The following SCML4 variants were observed in gnomAD, a reference collection of about 807,000 sequenced individuals.
The protein encoded by SCML4 is Scm polycomb group protein like 4, also known as sex comb on midleg-like protein 4.
A neutral mutation model predicts 41.1 loss-of-function variants in SCML4; 34 were observed. The ratio of observed to expected loss-of-function variants is 0.83; its 90% CI spans 0.63 to 1.10. The LOEUF is 1.10. SCML4 is among the 50% of genes least tolerant of loss of function. The pLI, the probability that SCML4 is intolerant of heterozygous loss-of-function variation, is 0.00. For missense variants in SCML4, 522 were observed against 534.1 expected, an observed-to-expected ratio of 0.98 and a Z score of 0.22; for synonymous variants, 214 against 220.9, an observed-to-expected ratio of 0.97 and a Z score of 0.28.
intron 1 of SCML4, among the ~76,000 whole-genome samples, chr6:107,796,518 A>C (rs1455480039): frequency 1.3e-5 from 2 of 152,190 alleles, no homozygotes; most frequent in Non-Finnish European, 1.5e-5. Context: ...GAGCTGTAGG[A>C]GTTCTTTATA....
intron 6 of SCML4, among the ~76,000 whole-genome samples, chr6:107,714,056 C>G (rs951525707): frequency 2.0e-5 from 3 of 152,164 alleles, no homozygotes; most frequent in Admixed American, 6.5e-5. Context: ...GGATTATAGG[C>G]AAGCATCACT....
At position 107,731,104 on chromosome 6, in the gene SCML4, A is replaced by C. The variant is rs187588465; in HGVS notation, c.683-10111T>G. Among the ~76,000 whole-genome samples, 329 of 152,288 alleles carry C rather than the reference A, an allele frequency of 2.2e-3. 4 individuals are homozygous for C. Among genetic ancestry groups the C allele is most frequent in the Non-Finnish European group, 2.7e-3 (183 of 68,028 alleles). ...GTAGAGAACCTCCAAAGAGAGAAGC[A>C]GAAAGAGGAAGAGGTGCAGGAGAAA... is the stretch of plus-strand genomic sequence containing the variant. On this transcript the variant is annotated intron_variant, in intron 5 of 7. Transcript: ENST00000369020.
chr6:107,784,147 G>A (rs1210032164), intron 1 of SCML4, among the ~76,000 whole-genome samples: 1 of 152,198 alleles, frequency 6.6e-6, no homozygotes, highest in African/African-American at 2.4e-5. Flanking sequence ...GACAGCATCT[G>A]CCTGCCCTTG....
chr6:107,745,162 G>A lies in SCML4; in HGVS notation c.488-19C>T. ...GCCGAGACTGGAAAACCAGAGAGATGTCAGCTTAGAGCCGGGCACTGGAGA... is the reference window on the plus strand; with the variant it reads ...GCCGAGACTGGAAAACCAGAGAGATATCAGCTTAGAGCCGGGCACTGGAGA... On this transcript the variant is annotated intron_variant, in intron 4 of 7. Coordinates refer to ENST00000369020, the MANE Select transcript of SCML4 (RefSeq NM_198081.5). 6.5e-7 allele frequency: 1 copy of A among 1,541,042 alleles called. No individual in the cohort carries two copies. Among genetic ancestry groups the A allele is most frequent in the East Asian group, 2.4e-5 (1 of 40,960 alleles).
chr6:107,734,168 C>T (rs1269478591), intron 5 of SCML4, among the ~76,000 whole-genome samples: 1 of 152,096 alleles, frequency 6.6e-6, no homozygotes, highest in Non-Finnish European at 1.5e-5. Flanking sequence ...CTCCACACCC[C>T]CAAACAGTAG....
chr6:107,767,370 C>T (rs907656231), intron 2 of SCML4, among the ~76,000 whole-genome samples: 4 of 152,152 alleles, frequency 2.6e-5, no homozygotes, highest in Non-Finnish European at 5.9e-5. Flanking sequence ...TAGAAAGAGG[C>T]TTTAAACAAA....
intron 1 of SCML4, among the ~76,000 whole-genome samples, chr6:107,811,609 G>A (rs916394705): frequency 3.9e-5 from 6 of 152,198 alleles, no homozygotes; most frequent in Non-Finnish European, 7.3e-5. Flanking sequence ...GGGAAAAAAT[G>A]TGTCTTCTTC....
chr6:107,749,634 C>T (rs768455029), intron 3 of SCML4, 50 bp downstream of exon 3: 1 of 1,599,856 alleles, frequency 6.3e-7, no homozygotes, highest in South Asian at 1.1e-5. Flanking sequence ...TGGTAGCTGC[C>T]CTGTTCTCTA....
chr6:107,726,426 G>A (rs930984717), intron 5 of SCML4, among the ~76,000 whole-genome samples: 11 of 150,980 alleles, frequency 7.3e-5, no homozygotes, highest in South Asian at 2.1e-4. Flanking sequence ...CCAGCTACTC[G>A]GGAGGCTGAG....
At chr6:107,801,045 G>A (rs2114632671) in intron 1 of SCML4, among the ~76,000 whole-genome samples, 1 of 152,290 alleles carries the variant, frequency 6.6e-6, no homozygotes, top group South Asian at 2.1e-4. Flanking sequence ...TTTCAGAGTA[G>A]TTACTGATCT....
intron 5 of SCML4, among the ~76,000 whole-genome samples, chr6:107,734,170 A>C (rs1562196714): frequency 6.6e-6 from 1 of 152,160 alleles, no homozygotes; most frequent in Non-Finnish European, 1.5e-5. Flanking sequence ...CCACACCCCC[A>C]AACAGTAGAA....
At chr6:107,732,760 G>A (rs1206724055) in intron 5 of SCML4, among the ~76,000 whole-genome samples, 1 of 152,110 alleles carries the variant, frequency 6.6e-6, no homozygotes, top group Non-Finnish European at 1.5e-5. Flanking sequence ...TGGGGGAGGC[G>A]AAGTGGGTGG....
chr6:107,830,677 G>C, the SCML4 span, among the ~76,000 whole-genome samples: 1 of 152,048 alleles, frequency 6.6e-6, no homozygotes, highest in South Asian at 2.1e-4. Flanking sequence ...GTTAGTACAG[G>C]CTTTTAGAAC....
intron 5 of SCML4, among the ~76,000 whole-genome samples, chr6:107,726,076 CAAA>C (rs59523273): frequency 1.9e-4 from 20 of 104,956 alleles, no homozygotes; most frequent in Admixed American, 3.0e-4. Context: ...GACCCAGTCT[CAAA>C]AAAAAAAAAA....
At chr6:107,749,361 T>C (rs1404697918) in intron 3 of SCML4, among the ~76,000 whole-genome samples, 1 of 152,006 alleles carries the variant, frequency 6.6e-6, no homozygotes, top group Non-Finnish European at 1.5e-5. Context: ...CTTAGATCAG[T>C]GCAATGGATC....
chr6:107,750,861 G>A (rs1778553976), intron 2 of SCML4, among the ~76,000 whole-genome samples: 1 of 152,188 alleles, frequency 6.6e-6, no homozygotes, highest in East Asian at 1.9e-4. Context: ...CACACTTCGA[G>A]TAGCAAGGTT....
intron 2 of SCML4, among the ~76,000 whole-genome samples, chr6:107,754,262 G>C (rs945458051): frequency 1.3e-5 from 2 of 152,150 alleles, no homozygotes; most frequent in African/African-American, 4.8e-5. Context: ...CAAAATTAAA[G>C]GACATATCCT....
At chr6:107,817,772 C>A (rs1215233970) in intron 1 of SCML4, among the ~76,000 whole-genome samples, 2 of 151,920 alleles carry the variant, frequency 1.3e-5, no homozygotes, top group Non-Finnish European at 2.9e-5. Flanking sequence ...AAGAACCAAT[C>A]CTCTATACCA....
In SCML4 at chr6:107,738,797, G is replaced by T. The variant is rs73762055; in HGVS notation, c.682+6152C>A. Among the ~76,000 whole-genome samples, 192 of 152,042 alleles carry T rather than the reference G, an allele frequency of 1.3e-3. 1 individual carries two copies. The highest frequency in any genetic ancestry group is 4.5e-3 in the African/African-American group (185 of 41,454). On this transcript the variant is annotated intron_variant, in intron 5 of 7. Transcript: ENST00000369020. ...TGCTTTGAAGGTAACCTGCCCTCCC[G>T]CTGTACAGGGCTGTTCTCTGCCACC...
Sources: allele counts gnomAD v4.1 joint callset (sites outside exome capture counted in the v4.1 genomes callset), GRCh38; gene constraint gnomAD v4.1.1; transcripts MANE v1.5; gene names NCBI Gene and HGNC (gene_info 2026-07-23, HGNC 2026-07-21).